The following SYNE2 variants were observed in gnomAD, a reference collection of about 807,000 sequenced individuals.
The protein encoded by SYNE2 is nesprin-2.
In SYNE2, 431 loss-of-function variants were observed where a neutral mutation model predicts 856.3. That is an observed-to-expected ratio of 0.50 (90% CI 0.47 to 0.55). SYNE2 has a LOEUF of 0.55. Ranked by LOEUF, SYNE2 falls within the 20% of genes least tolerant of loss-of-function variation. The pLI, the probability that SYNE2 is intolerant of heterozygous loss-of-function variation, is 0.00. For missense variants in SYNE2, 8,129 were observed against 8,023.2 expected (o/e 1.01, Z -0.50); for synonymous variants, 2,923 against 2,872.3 (o/e 1.02, Z -0.56).
intron 108 of SYNE2, among the ~76,000 whole-genome samples, chr14:64,216,963 T>G (rs1275624643): frequency 6.6e-6 from 1 of 150,922 alleles, no homozygotes; most frequent in Non-Finnish European, 1.5e-5. Flanking sequence ...TGACCTCAAG[T>G]GATCCACCTG....
intron 8 of SYNE2, among the ~76,000 whole-genome samples, chr14:63,957,941 C>A (rs1399117384): frequency 1.3e-5 from 2 of 152,046 alleles, no homozygotes; most frequent in Non-Finnish European, 2.9e-5. Flanking sequence ...TCTGCCCAGG[C>A]TGAGGAAGGA....
At chr14:63,884,501 A>C (rs1223007582) in intron 1 of SYNE2, among the ~76,000 whole-genome samples, 1 of 152,088 alleles carries the variant, frequency 6.6e-6, no homozygotes, top group African/African-American at 2.4e-5. Flanking sequence ...AGACATGGAG[A>C]TGTGTCTGAG....
At chr14:64,190,741 T>C (rs2098514351) in intron 99 of SYNE2, 1 of 661,768 alleles carries the variant, frequency 1.5e-6, no homozygotes, top group Admixed American at 2.2e-5. Context: ...CCCATGGGTG[T>C]CTTGTCCTAG....
At chr14:64,170,008 A>G (rs1567533985) in intron 93 of SYNE2, among the ~76,000 whole-genome samples, 1 of 152,228 alleles carries the variant, frequency 6.6e-6, no homozygotes, top group African/African-American at 2.4e-5. Flanking sequence ...GCAAAATACC[A>G]GGTTACGTGC....
rs763730249 is a variant in SYNE2 at position 64,163,404 on chromosome 14, G to A, written c.16302G>A (p.Glu5434=). 10 of 1,613,828 alleles carry A rather than the reference G, an allele frequency of 6.2e-6. No homozygotes were observed. The highest frequency in any genetic ancestry group is 8.5e-6 in the Non-Finnish European group (10 of 1,180,022). ...TGCCATCCCTTTTTCTTCTGCAGGA[G>A]CTGCAGCATGATGTGCAGAAAACAA... ...ILPPALQDIK[E]LQHDVQKTKE... Residue 5434 remains glutamate (E), a splice_region_variant and synonymous_variant, in exon 89 of 116, where the codon GAG becomes GAA. Coordinates refer to ENST00000555002, the MANE Select transcript of SYNE2 (RefSeq NM_182914.3).
At chr14:64,018,695 A>G (rs2096913683) in intron 34 of SYNE2, among the ~76,000 whole-genome samples, 1 of 152,224 alleles carries the variant, frequency 6.6e-6, no homozygotes, top group African/African-American at 2.4e-5. Flanking sequence ...TAAAAACTTT[A>G]TTTATAAAAA....
At chr14:63,977,298 C>T (rs1364441022) in intron 12 of SYNE2, among the ~76,000 whole-genome samples, 1 of 151,958 alleles carries the variant, frequency 6.6e-6, no homozygotes, top group South Asian at 2.1e-4. Flanking sequence ...CTGCAAGCAC[C>T]GCCTCCTGGG....
rs967125424 is a variant in SYNE2, at chr14:63,967,799, A to G, written c.1081A>G (p.Lys361Glu). The G allele has an allele frequency of 6.2e-7, 1 of 1,614,154 alleles. No homozygotes were observed. The highest frequency in any genetic ancestry group is 8.5e-7 in the Non-Finnish European group (1 of 1,179,958). ...AAAACGGGATCTGGATGAGCTGGAC[A>G]AGGATCATTTACAGTTGAGAGAAGC... ...SIKRDLDELDKDHLQLREAWD... is the reference protein window; with the variant it reads ...SIKRDLDELDEDHLQLREAWD... The change falls in exon 11 of 116, where the codon AAG (lysine) becomes GAG (glutamate). Residue 361 changes from lysine (K) to glutamate (E), a missense_variant. This residue lies in a region of SYNE2 where 2,422 missense variants were observed against 2,357.4 expected (regional missense o/e 1.03). Transcript: ENST00000555002.
Position 63,909,110 on chromosome 14 carries a change from A to T in SYNE2, c.-39A>T. The stretch of plus-strand genomic sequence containing the variant: ...ATTTCACTTTCAGTTCACTTCTTCA[A>T]CTGAGATGGACATGATATAATCTCC... On this transcript the variant is annotated 5_prime_UTR_variant, in exon 2 of 116. Transcript: ENST00000555002. 1 of 1,397,848 alleles carries T rather than the reference A, an allele frequency of 7.2e-7. No individual in the cohort carries two copies. The highest frequency in any genetic ancestry group is 1.4e-5 in the African/African-American group (1 of 70,800). 86.6% of individuals were successfully genotyped at this position (1,397,848 alleles called of 1,614,324 possible).
intron 1 of SYNE2, among the ~76,000 whole-genome samples, chr14:63,876,328 C>T (rs539969210): frequency 6.6e-6 from 1 of 151,740 alleles, no homozygotes; most frequent in South Asian, 2.1e-4. Flanking sequence ...GAGGTGGAGC[C>T]AGAAGTTCAA....
chr14:64,134,200 G>A lies in SYNE2; in HGVS notation c.14646G>A (p.Gln4882=). The A allele has an allele frequency of 2.5e-6, 4 of 1,613,982 alleles. No individual in the cohort carries two copies. The highest frequency in any genetic ancestry group is 3.4e-6 in the Non-Finnish European group (4 of 1,179,926). Residue 4882 remains glutamine, a splice_region_variant and synonymous_variant, in exon 78 of 116, where the codon CAG becomes CAA. Coordinates refer to ENST00000555002, the MANE Select transcript of SYNE2 (RefSeq NM_182914.3). ...TAGTGGAAAGGATTTCATTTTACCA[G>A]GTATTTGTCTTCCATTTAAGTTATC... The part of the protein sequence containing the change: ...ERLVERISFY[Q]QIKRNIGGKH...
At chr14:64,208,183 G>A (rs1320390250) in intron 100 of SYNE2, 1 of 455,940 alleles carries the variant, frequency 2.2e-6, no homozygotes, top group South Asian at 1.5e-5. Context: ...TTATCAGTTG[G>A]GGAGGCAAGG....
intron 52 of SYNE2, among the ~76,000 whole-genome samples, chr14:64,071,366 A>T (rs575305035): frequency 6.6e-6 from 1 of 151,868 alleles, no homozygotes; most frequent in East Asian, 2.0e-4. Flanking sequence ...TGGTGGCAGG[A>T]GCTTGTAGTC....
chr14:63,840,447 CT>C (rs1188793956), intron 1 of SYNE2, among the ~76,000 whole-genome samples: 1 of 31,172 alleles, frequency 3.2e-5, no homozygotes, highest in African/African-American at 6.2e-5. Context: ...TCCTTCCTTC[CT>C]TCCTCCCTCC....
intron 1 of SYNE2, chr14:63,762,186 C>T (rs1886508232): frequency 4.0e-6 from 1 of 249,160 alleles, no homozygotes; most frequent in Admixed American, 4.5e-5. Flanking sequence ...AATCCCAGCA[C>T]TTTTGGGAGA....
At chr14:63,959,759 C>G (rs1246322565) in intron 8 of SYNE2, among the ~76,000 whole-genome samples, 2 of 151,804 alleles carry the variant, frequency 1.3e-5, no homozygotes, top group Non-Finnish European at 2.9e-5. Flanking sequence ...CTTCATTTTT[C>G]CTCATGCTTT....
chr14:64,000,446 A>T, intron 27 of SYNE2, 116 bp from the exon 28 acceptor site: 1 of 950,624 alleles, frequency 1.1e-6, no homozygotes, highest in Non-Finnish European at 1.7e-6. Context: ...AAACACATTT[A>T]CATATGAAAC....
intron 94 of SYNE2, among the ~76,000 whole-genome samples, chr14:64,171,139 G>A (rs945818958): frequency 1.3e-5 from 2 of 152,140 alleles, no homozygotes; most frequent in Admixed American, 6.6e-5. Context: ...AGCCAACAAA[G>A]CTTTCCAAAA....
At chr14:63,784,926 A>G (rs1327982477) in intron 1 of SYNE2, among the ~76,000 whole-genome samples, 1 of 148,648 alleles carries the variant, frequency 6.7e-6, no homozygotes. Context: ...TACATCTACT[A>G]AATTCAGTGG....
Sources: gnomAD v4.1 joint callset for allele counts (sites outside exome capture counted in the v4.1 genomes callset) on GRCh38, gnomAD v4.1.1 for gene constraint, gnomAD v4.1.1 regional missense constraint, MANE v1.5 for transcripts, NCBI Gene and HGNC (gene_info 2026-07-23, HGNC 2026-07-21) for gene names.